Variants in LIMCH1 observed in about 807,000 individuals in gnomAD.
LIMCH1 encodes the protein LIM and calponin homology domains 1.
A neutral mutation model predicts 176.5 loss-of-function variants in LIMCH1; 113 were observed. That is an observed-to-expected ratio of 0.64 (90% CI 0.55 to 0.75). The LOEUF is 0.75. LIMCH1 is among the 30% of genes least tolerant of loss of function. The pLI, the probability that LIMCH1 is intolerant of heterozygous loss-of-function variation, is 0.00. For synonymous variants in LIMCH1, 619 were observed against 645.9 expected (o/e 0.96, Z 0.63); for missense variants, 1,674 against 1,814.9 (o/e 0.92, Z 1.41).
In LIMCH1 at chr4:41,620,064, A is replaced by C. The variant is rs1451080569; in HGVS notation, c.459-360A>C. Reference sequence around the variant, plus strand: ...CAAATAAGGCAGAGTCCCTGCCTTCAAGAATCTTACAATAAAATAAACTTG... The same window carrying C: ...CAAATAAGGCAGAGTCCCTGCCTTCCAGAATCTTACAATAAAATAAACTTG... On this transcript the variant is annotated intron_variant, in intron 6 of 31. Transcript: ENST00000503057. 2.3e-5 allele frequency: 5 copies of C among 218,136 alleles called. No individual in the cohort carries two copies. The Admixed American group carries it at 2.6e-4, about 11-fold the overall frequency. 13.5% of individuals were successfully genotyped at this position (218,136 alleles called of 1,614,324 possible). A position where few individuals can be genotyped will look rare whatever the true frequency, so the allele number is the denominator to read the frequency against.
intron 1 of LIMCH1, among the ~76,000 whole-genome samples, chr4:41,426,017 C>CTTTT (rs913325890): frequency 0.011 from 1,174 of 102,838 alleles, 61 homozygotes; most frequent in African/African-American, 0.041. Flanking sequence ...TGAAAAGATT[C>CTTTT]TTTTTTTTTT....
At position 41,520,477 on chromosome 4, in the gene LIMCH1, T is replaced by C. The variant is rs546156526; in HGVS notation, c.168-3932T>C. On this transcript the variant is annotated intron_variant, in intron 2 of 26. Coordinates refer to the LIMCH1 transcript ENST00000313860. ...AGAGTACTACTGCGTGGCCTACTTG[T>C]GTGCTATCTGAAATTTTCTTCTTAT... 9.2e-5 allele frequency among the ~76,000 whole-genome samples: 14 copies of C among 152,280 alleles called. No homozygotes were observed. In the South Asian group the frequency reaches 2.7e-3, roughly 29 times the overall value.
At chr4:41,512,535 T>C (rs904472450) in intron 2 of LIMCH1, among the ~76,000 whole-genome samples, 18 of 152,218 alleles carry the variant, frequency 1.2e-4, no homozygotes, top group African/African-American at 2.2e-4. Context: ...ATAGATCAAA[T>C]GTGGTATATC....
In LIMCH1 at chr4:41,699,753, C is replaced by T. The variant is rs1732370180; in HGVS notation, c.*2568C>T. 6.6e-6 allele frequency: 1 copy of T among 152,100 alleles called. No individual in the cohort carries two copies. The highest frequency in any genetic ancestry group is 6.6e-5 in the Admixed American group (1 of 15,266). The allele number at this position is 152,100 out of a possible 1,614,324, so 9.4% of individuals were successfully genotyped here. On this transcript the variant is annotated 3_prime_UTR_variant, in exon 32 of 32. Coordinates refer to ENST00000503057, the MANE Select transcript of LIMCH1 (RefSeq NM_001330672.2). Reference sequence around the variant, plus strand: ...TAACTTTTTGTTTTTCACTAGCGAACTTCCATGACATTTCCTTTCTATGTA... The same window carrying T: ...TAACTTTTTGTTTTTCACTAGCGAATTTCCATGACATTTCCTTTCTATGTA...
At chr4:41,405,061 T>C (rs1377596098) in intron 1 of LIMCH1, among the ~76,000 whole-genome samples, 1 of 152,216 alleles carries the variant, frequency 6.6e-6, no homozygotes, top group African/African-American at 2.4e-5. Context: ...TTTGTTTGCA[T>C]GTTTATTTTG....
At chr4:41,436,979 A>T (rs1187137727) in intron 1 of LIMCH1, among the ~76,000 whole-genome samples, 1 of 152,092 alleles carries the variant, frequency 6.6e-6, no homozygotes, top group Admixed American at 6.5e-5. Context: ...GATCCCTTTC[A>T]TTGCACTCTT....
intron 1 of LIMCH1, among the ~76,000 whole-genome samples, chr4:41,494,332 T>TAC (rs2154175444): frequency 6.7e-6 from 1 of 149,348 alleles, no homozygotes; most frequent in Admixed American, 6.7e-5. Context: ...TACATATATA[T>TAC]ACACATACAT....
At chr4:41,543,368 T>G (rs887756825) in intron 1 of LIMCH1, among the ~76,000 whole-genome samples, 9 of 152,202 alleles carry the variant, frequency 5.9e-5, no homozygotes, top group Admixed American at 2.0e-4. Context: ...TAGGGACATC[T>G]CTGAGCTCCT....
chr4:41,541,757 G>T (rs1297748825), intron 1 of LIMCH1, among the ~76,000 whole-genome samples: 2 of 152,186 alleles, frequency 1.3e-5, no homozygotes, highest in African/African-American at 4.8e-5. Context: ...CGAAATGACT[G>T]GGGCATGTTT....
chr4:41,606,590 G>GTATAGAA (rs2152773029), intron 4 of LIMCH1, among the ~76,000 whole-genome samples: 1 of 152,280 alleles, frequency 6.6e-6, no homozygotes, highest in Non-Finnish European at 1.5e-5. Flanking sequence ...GTTTCTTTGA[G>GTATAGAA]TATAGAAAAG....
intron 21 of LIMCH1, among the ~76,000 whole-genome samples, chr4:41,667,150 A>AAAATCAT (rs1348722573): frequency 6.6e-6 from 1 of 152,170 alleles, no homozygotes; most frequent in African/African-American, 2.4e-5. Context: ...AAAAAGTCAT[A>AAAATCAT]AAATCATAAA....
At chr4:41,459,939 C>T (rs1428621086) in intron 1 of LIMCH1, among the ~76,000 whole-genome samples, 1 of 152,122 alleles carries the variant, frequency 6.6e-6, no homozygotes, top group Non-Finnish European at 1.5e-5. Flanking sequence ...GGGAAGATTT[C>T]CTGCCTTTTC....
chr4:41,699,686 T>C lies in LIMCH1; in HGVS notation c.*2501T>C, dbSNP rs1732340752. 1 of 152,228 alleles carries C rather than the reference T, an allele frequency of 6.6e-6. No homozygotes were observed. The highest frequency in any genetic ancestry group is 1.5e-5 in the Non-Finnish European group (1 of 68,028). 9.4% of individuals were successfully genotyped at this position (152,228 alleles called of 1,614,324 possible). A position where few individuals can be genotyped will look rare whatever the true frequency, so the allele number is the denominator to read the frequency against. ...GAAGTATATCTGATTTTTTTTCTCA[T>C]ACTCCAAAAGCTAGTCCCTACTCTT... On this transcript the variant is annotated 3_prime_UTR_variant, in exon 32 of 32. Coordinates refer to ENST00000503057, the MANE Select transcript of LIMCH1 (RefSeq NM_001330672.2).
intron 1 of LIMCH1, chr4:41,385,801 A>G (rs1262348226): frequency 2.0e-5 from 3 of 152,216 alleles, no homozygotes; most frequent in African/African-American, 7.2e-5. Flanking sequence ...AGGAAGAGCT[A>G]TAAAAAGGTG....
intron 1 of LIMCH1, among the ~76,000 whole-genome samples, chr4:41,460,806 C>T (rs117144162): frequency 1.3e-3 from 194 of 152,096 alleles, no homozygotes; most frequent in Middle Eastern, 3.4e-3. Flanking sequence ...GTGTAGTTGA[C>T]GGATGTTCAG....
intron 1 of LIMCH1, among the ~76,000 whole-genome samples, chr4:41,563,317 C>T (rs1402744740): frequency 6.6e-6 from 1 of 152,120 alleles, no homozygotes; most frequent in Admixed American, 6.6e-5. Flanking sequence ...ACAGTAAATG[C>T]TCAGTAAGTG....
chr4:41,572,355 T>C lies in LIMCH1; in HGVS notation c.-240-26565T>C, dbSNP rs147391647. On this transcript the variant is annotated intron_variant, in intron 1 of 31. Coordinates refer to ENST00000503057, the MANE Select transcript of LIMCH1 (RefSeq NM_001330672.2). Reference sequence around the variant, plus strand: ...TACATTGGATTTAGGGGAATTACCATTGGATTTGGTTTTATATTACATTTT... The same window carrying C: ...TACATTGGATTTAGGGGAATTACCACTGGATTTGGTTTTATATTACATTTT... Among the ~76,000 whole-genome samples the C allele has an allele frequency of 6.8e-3, 1,030 of 152,230 alleles. 5 individuals are homozygous for C. The highest frequency in any genetic ancestry group is 0.027 in the South Asian group (128 of 4,820).
intron 21 of LIMCH1, 85 bp from the exon 22 acceptor site, chr4:41,671,469 A>G (rs2095029621): frequency 5.6e-6 from 6 of 1,066,642 alleles, no homozygotes; most frequent in South Asian, 1.4e-5. Context: ...TGTAGGAACT[A>G]TACTCCACTG....
intron 1 of LIMCH1, among the ~76,000 whole-genome samples, chr4:41,413,522 G>C (rs926762631): frequency 2.0e-5 from 3 of 147,598 alleles, no homozygotes; most frequent in African/African-American, 7.6e-5. Flanking sequence ...ATTTTTTGTA[G>C]AGATGGGGTC....
Sources: gnomAD v4.1 joint callset for allele counts (sites outside exome capture counted in the v4.1 genomes callset) on GRCh38, gnomAD v4.1.1 for gene constraint, MANE v1.5 for transcripts, NCBI Gene and HGNC (gene_info 2026-07-23, HGNC 2026-07-21) for gene names.